ATXN7L1: variants seen among roughly 807,000 people sequenced by gnomAD.
ATXN7L1 encodes ataxin-7-like protein 1.
ATXN7L1 carries 15 observed loss-of-function variants against 70.8 expected under a neutral mutation model. The ratio of observed to expected loss-of-function variants is 0.21; its 90% CI spans 0.14 to 0.33. The LOEUF (loss-of-function observed/expected upper bound fraction) is 0.33, where lower values mean the gene tolerates loss of function less well. ATXN7L1 is among the 10% of genes least tolerant of loss of function. ATXN7L1 has a pLI of 1.00. For synonymous variants in ATXN7L1, 440 were observed against 445.1 expected, an observed-to-expected ratio of 0.99 and a Z score of 0.14; for missense variants, 975 against 1,097.1, an observed-to-expected ratio of 0.89 and a Z score of 1.57.
At chr7:105,752,796 C>T (rs1205079277) in intron 3 of ATXN7L1, among the ~76,000 whole-genome samples, 1 of 152,200 alleles carries the variant, frequency 6.6e-6, no homozygotes, top group Non-Finnish European at 1.5e-5. Context: ...TCTCAGCTAA[C>T]CCAGCTACAA....
chr7:105,676,863 A>C (rs1046485001), intron 3 of ATXN7L1, among the ~76,000 whole-genome samples: 2 of 151,732 alleles, frequency 1.3e-5, no homozygotes, highest in East Asian at 3.9e-4. Context: ...AAAACAAAAA[A>C]CCCCCCAAAA....
rs1224018710 is a variant in ATXN7L1, at chr7:105,860,154, TATATATATATATATGAAAACA to T, written c.250+15637_250+15657del. ...ATATATATATATATATATACATATA[TATATATATATATATGAAAACA>T]AGACAAAATGTGAACTAATGTTTAA... On this transcript the variant is annotated intron_variant, in intron 2 of 11. Coordinates refer to ENST00000419735, the MANE Select transcript of ATXN7L1 (RefSeq NM_020725.2). 2.1e-5 allele frequency among the ~76,000 whole-genome samples: 3 copies of T among 139,980 alleles called. No individual in the cohort carries two copies. In the East Asian group the frequency reaches 6.2e-4, roughly 29 times the overall value. The allele number at this position is 139,980 out of a possible 152,430, so 91.8% of individuals were successfully genotyped here.
chr7:105,793,457 A>T (rs778653775), intron 2 of ATXN7L1, among the ~76,000 whole-genome samples: 1 of 152,170 alleles, frequency 6.6e-6, no homozygotes, highest in Non-Finnish European at 1.5e-5. Flanking sequence ...CCTCCAACAC[A>T]GAGTCCTTGC....
chr7:105,731,384 G>C (rs1796511201), intron 3 of ATXN7L1, among the ~76,000 whole-genome samples: 1 of 149,838 alleles, frequency 6.7e-6, no homozygotes, highest in Admixed American at 6.6e-5. Context: ...AAAAAATAAA[G>C]TCTCTTTAAG....
intron 7 of ATXN7L1, among the ~76,000 whole-genome samples, chr7:105,631,049 A>C (rs1796527415): frequency 6.6e-6 from 1 of 152,130 alleles, no homozygotes; most frequent in South Asian, 2.1e-4. Flanking sequence ...GGAATAAAAG[A>C]AGGGCTGTGA....
At chr7:105,633,594 C>T (rs1462907348) in intron 7 of ATXN7L1, among the ~76,000 whole-genome samples, 1 of 152,064 alleles carries the variant, frequency 6.6e-6, no homozygotes, top group East Asian at 1.9e-4. Context: ...GTGGTGGGCG[C>T]TTGTAATCCC....
At chr7:105,651,620 G>A (rs1166394237) in intron 4 of ATXN7L1, among the ~76,000 whole-genome samples, 1 of 152,210 alleles carries the variant, frequency 6.6e-6, no homozygotes, top group Non-Finnish European at 1.5e-5. Context: ...AAAGCAGAAC[G>A]AGGTGGGGCC....
intron 2 of ATXN7L1, among the ~76,000 whole-genome samples, chr7:105,791,795 T>C (rs896430306): frequency 1.3e-4 from 20 of 152,214 alleles, no homozygotes; most frequent in African/African-American, 4.6e-4. Flanking sequence ...TAAGCATTTA[T>C]ATGGCTGCCT....
chr7:105,659,457 G>C (rs1387336883), intron 4 of ATXN7L1, among the ~76,000 whole-genome samples: 2 of 152,194 alleles, frequency 1.3e-5, no homozygotes, highest in Non-Finnish European at 2.9e-5. Flanking sequence ...TGGCCGACCA[G>C]AGAAAGTGTC....
chr7:105,795,875 T>C (rs1026926902), intron 2 of ATXN7L1, among the ~76,000 whole-genome samples: 8 of 152,340 alleles, frequency 5.3e-5, no homozygotes, highest in African/African-American at 9.6e-5. Context: ...TCAGTCGCTA[T>C]AGGAATTACA....
At chr7:105,710,680 G>C (rs943866641) in intron 3 of ATXN7L1, among the ~76,000 whole-genome samples, 2 of 152,094 alleles carry the variant, frequency 1.3e-5, no homozygotes, top group Admixed American at 6.6e-5. Flanking sequence ...CAAAGTGCTG[G>C]GATTGCAGGC....
intron 6 of ATXN7L1, 60 bp downstream of exon 6, chr7:105,639,426 CA>C (rs1343353379): frequency 7.4e-7 from 1 of 1,355,110 alleles, no homozygotes; most frequent in Non-Finnish European, 1.0e-6. Flanking sequence ...GAGTGGCATG[CA>C]AACATTTCGA....
chr7:105,697,288 C>T (rs1340548786), intron 3 of ATXN7L1, among the ~76,000 whole-genome samples: 3 of 152,176 alleles, frequency 2.0e-5, no homozygotes, highest in East Asian at 1.9e-4. Context: ...GCTGCAATCT[C>T]GACCATAAGA....
chr7:105,757,926 T>C (rs1388722414), intron 3 of ATXN7L1, among the ~76,000 whole-genome samples: 3 of 152,160 alleles, frequency 2.0e-5, no homozygotes, highest in African/African-American at 7.2e-5. Context: ...GAATTTACCC[T>C]GCCTGGGCCC....
intron 2 of ATXN7L1, among the ~76,000 whole-genome samples, chr7:105,842,293 T>C (rs1252459147): frequency 6.6e-6 from 1 of 152,120 alleles, no homozygotes; most frequent in Non-Finnish European, 1.5e-5. Flanking sequence ...TGTGTAATCC[T>C]CAATGGTGTG....
Position 105,772,063 on chromosome 7 carries a change from A to ATTT in ATXN7L1, c.355+16538_355+16540dup, listed in dbSNP as rs533366742. Among the ~76,000 whole-genome samples the ATTT allele has an allele frequency of 1.9e-3, 188 of 99,818 alleles. 19 individuals are homozygous for ATTT. Among genetic ancestry groups the ATTT allele is most frequent in the African/African-American group, 5.3e-3 (112 of 21,300 alleles). 65.5% of individuals were successfully genotyped at this position (99,818 alleles called of 152,430 possible). ...TATTAAAAGACAATATCAGATTGGA[A>ATTT]TTTTTTTTTTTTTTTTTTTTTTTTT... is the stretch of plus-strand genomic sequence containing the variant. On this transcript the variant is annotated intron_variant, in intron 3 of 11. Coordinates refer to ENST00000419735, the MANE Select transcript of ATXN7L1 (RefSeq NM_020725.2).
intron 2 of ATXN7L1, among the ~76,000 whole-genome samples, chr7:105,861,461 T>G (rs1343689166): frequency 5.8e-5 from 7 of 120,470 alleles, no homozygotes; most frequent in East Asian, 5.0e-4. Context: ...ATTGCTAAGA[T>G]GGGAGGGAGG....
intron 3 of ATXN7L1, among the ~76,000 whole-genome samples, chr7:105,677,104 A>T (rs1482960433): frequency 2.0e-5 from 3 of 152,164 alleles, no homozygotes; most frequent in Non-Finnish European, 4.4e-5. Context: ...ATCAGAGAAC[A>T]CACAGTGCAG....
At chr7:105,616,621 A>G (rs1394617875) in intron 9 of ATXN7L1, among the ~76,000 whole-genome samples, 1 of 152,174 alleles carries the variant, frequency 6.6e-6, no homozygotes, top group Non-Finnish European at 1.5e-5. Flanking sequence ...GAATGGATGG[A>G]TGAATGGGTA....
Sources: gnomAD v4.1 joint callset for allele counts (sites outside exome capture counted in the v4.1 genomes callset) on GRCh38, gnomAD v4.1.1 for gene constraint, MANE v1.5 for transcripts, NCBI Gene and HGNC (gene_info 2026-07-23, HGNC 2026-07-21) for gene names.